Variants in HDLBP observed in about 807,000 individuals in gnomAD.
HDLBP encodes the protein high density lipoprotein binding protein.
Under a neutral mutation model 137.3 loss-of-function variants are expected in HDLBP, and 30 were observed. That is an observed-to-expected ratio of 0.22 (90% confidence interval 0.16 to 0.30). The LOEUF is 0.30. Ranked by LOEUF, HDLBP falls within the 10% of genes least tolerant of loss-of-function variation. The probability of loss-of-function intolerance (pLI) is 1.00; values close to 1 mark genes in which losing one functional copy is unlikely to be tolerated. For synonymous variants in HDLBP, 606 were observed against 596.0 expected, an observed-to-expected ratio of 1.02 and a Z score of -0.24; for missense variants, 1,119 against 1,667.3, an observed-to-expected ratio of 0.67 and a Z score of 5.73.
Position 241,283,097 on chromosome 2 carries a change from C to A in HDLBP, c.-102-14556G>T, listed in dbSNP as rs572452891. Among the ~76,000 whole-genome samples the A allele has an allele frequency of 4.0e-4, 61 of 152,336 alleles. 1 individual carries two copies. In the South Asian group the frequency reaches 0.013, roughly 32 times the overall value. ...ACACATAAATGGTAAGAGAGCGAAA[C>A]AGCCTTATCGCTGATAAGGAGAAAG... On this transcript the variant is annotated intron_variant, in intron 1 of 27. Transcript: ENST00000310931.
chr2:241,230,533 G>C lies in HDLBP; in HGVS notation c.3474+226C>G, dbSNP rs1301033929. 6.6e-6 allele frequency among the ~76,000 whole-genome samples: 1 copy of C among 152,214 alleles called. No homozygotes were observed. Among genetic ancestry groups the C allele is most frequent in the Non-Finnish European group, 1.5e-5 (1 of 68,042 alleles). ...CACCCACAGAGGACGAGCTCGCCAG[G>C]CAGCTGTCAAGGAGATGCCCTCCTA... On this transcript the variant is annotated intron_variant, in intron 25 of 27. Transcript: ENST00000310931. The surrounding 1 kb of genome is among the most constrained non-coding windows in gnomAD (Gnocchi z 5.0).
intron 1 of HDLBP, among the ~76,000 whole-genome samples, chr2:241,308,545 T>G (rs2075656052): frequency 6.6e-6 from 1 of 152,290 alleles, no homozygotes; most frequent in South Asian, 2.1e-4. Context: ...ATTAACCTAC[T>G]CTGCTTTAAG....
intron 1 of HDLBP, among the ~76,000 whole-genome samples, chr2:241,299,182 A>G (rs949113988): frequency 2.0e-5 from 3 of 152,198 alleles, no homozygotes; most frequent in African/African-American, 4.8e-5. Context: ...TCGTTTTTTA[A>G]AAAAATTAAT....
In HDLBP at chr2:241,239,376, CTTTT is replaced by C. The variant is rs928760320; in HGVS notation, c.2610+222_2610+225del. Among the ~76,000 whole-genome samples the C allele has an allele frequency of 3.4e-5, 5 of 147,746 alleles. No individual in the cohort carries two copies. Among genetic ancestry groups the C allele is most frequent in the Non-Finnish European group, 6.0e-5 (4 of 66,620 alleles). The stretch of plus-strand genomic sequence containing the variant: ...CCTCTCCTCTTCTCCTTCTCTCTCT[CTTTT>C]TTTTTTTAAGTGCTTCTCGCAGGCA... On this transcript the variant is annotated intron_variant, in intron 19 of 27. Coordinates refer to ENST00000310931, the MANE Select transcript of HDLBP (RefSeq NM_005336.6). The surrounding 1 kb of genome is among the most constrained non-coding windows in gnomAD (Gnocchi z 4.6).
chr2:241,232,391 TCA>T (rs968421900), intron 24 of HDLBP, among the ~76,000 whole-genome samples: 1 of 152,024 alleles, frequency 6.6e-6, no homozygotes, highest in Non-Finnish European at 1.5e-5. Flanking sequence ...TTCTCACGTC[TCA>T]GTCTCCCGAG....
At chr2:241,275,904 TA>T (rs1353675010) in intron 1 of HDLBP, among the ~76,000 whole-genome samples, 1 of 151,946 alleles carries the variant, frequency 6.6e-6, no homozygotes, top group Non-Finnish European at 1.5e-5. Flanking sequence ...ACAGACCTAC[TA>T]AAGGACATAT....
chr2:241,243,256 G>A (rs950043902), intron 16 of HDLBP, among the ~76,000 whole-genome samples: 1 of 152,188 alleles, frequency 6.6e-6, no homozygotes, highest in African/African-American at 2.4e-5. Flanking sequence ...AGAGCCCAAA[G>A]AGACTGGCAT....
In HDLBP at chr2:241,229,925, A is replaced by G. The variant is rs1283598250; in HGVS notation, c.3628T>C (p.Tyr1210His). The G allele has an allele frequency of 1.2e-6, 2 of 1,604,288 alleles. No individual in the cohort carries two copies. The highest frequency in any genetic ancestry group is 2.7e-5 in the African/African-American group (2 of 74,722). Residue 1210 changes from tyrosine (Y) to histidine (H), a missense_variant, in exon 27 of 28, where the codon TAC becomes CAC. Tyr to His is a moderately conservative substitution (Grantham distance 83, BLOSUM62 2). Transcript: ENST00000310931. Reference sequence around the variant, plus strand: ...TCTTCGTGTGCTGGGGGTTTCATGTATACCTGCAGCGCCTCACTGTCCACC... The same window carrying G: ...TCTTCGTGTGCTGGGGGTTTCATGTGTACCTGCAGCGCCTCACTGTCCACC... ...DVVDSEALQV[Y>H]MKPPAHEEAK... is the part of the protein sequence containing the mutation.
intron 3 of HDLBP, among the ~76,000 whole-genome samples, chr2:241,265,866 CAGG>C: frequency 6.6e-6 from 1 of 152,328 alleles, no homozygotes; most frequent in East Asian, 1.9e-4. Flanking sequence ...AAGCTGGCTC[CAGG>C]AGGAGGATCC....
At chr2:241,264,394 T>G (rs1028821697) in intron 4 of HDLBP, 54 bp downstream of exon 4, 2 of 1,340,188 alleles carry the variant, frequency 1.5e-6, no homozygotes, top group Non-Finnish European at 1.0e-6. Context: ...ATTTAAAAAT[T>G]TACATAGACA....
Position 241,239,870 on chromosome 2 carries a change from G to A in HDLBP, c.2391+31C>T. ...GATAAGCCACCCCATCACGGCCCCAGCAGAGTCGGCCGCCGAGGCCCGCTC... is the reference window on the plus strand; with the variant it reads ...GATAAGCCACCCCATCACGGCCCCAACAGAGTCGGCCGCCGAGGCCCGCTC... On this transcript the variant is annotated intron_variant, in intron 18 of 27. Coordinates refer to ENST00000310931, the MANE Select transcript of HDLBP (RefSeq NM_005336.6). This position sits in a 1 kb window ranked among gnomAD's most constrained non-coding sequence, Gnocchi z 4.6. 1 of 1,612,200 alleles carries A rather than the reference G, an allele frequency of 6.2e-7. No individual in the cohort carries two copies. Among genetic ancestry groups the A allele is most frequent in the Non-Finnish European group, 8.5e-7 (1 of 1,178,410 alleles).
intron 1 of HDLBP, among the ~76,000 whole-genome samples, chr2:241,313,860 T>C (rs2075850947): frequency 6.6e-6 from 1 of 152,188 alleles, no homozygotes; most frequent in Non-Finnish European, 1.5e-5. Flanking sequence ...ATAGGTCAAC[T>C]ATATCTTTGA....
At chr2:241,283,341 G>T (rs1283586045) in intron 1 of HDLBP, among the ~76,000 whole-genome samples, 1 of 152,230 alleles carries the variant, frequency 6.6e-6, no homozygotes, top group Admixed American at 6.5e-5. Context: ...TGATGTAGAA[G>T]CTGCAGTGAG....
intron 1 of HDLBP, among the ~76,000 whole-genome samples, chr2:241,269,885 C>T (rs918338554): frequency 7.9e-5 from 12 of 152,088 alleles, no homozygotes; most frequent in African/African-American, 2.2e-4. Flanking sequence ...ATCCACCCTC[C>T]GCCCTCCCAC....
At chr2:241,251,992 A>T (rs750750423) in intron 11 of HDLBP, among the ~76,000 whole-genome samples, 1 of 151,724 alleles carries the variant, frequency 6.6e-6, no homozygotes, top group Non-Finnish European at 1.5e-5. Context: ...CAAACAAACA[A>T]CACAAAACAT....
chr2:241,279,419 T>G (rs1410438419), intron 1 of HDLBP, among the ~76,000 whole-genome samples: 1 of 152,114 alleles, frequency 6.6e-6, no homozygotes, highest in African/African-American at 2.4e-5. Context: ...ATACAAAAGA[T>G]CAAGGACCAA....
At position 241,246,794 on chromosome 2, in the gene HDLBP, G is replaced by A. The variant is rs187198864; in HGVS notation, c.1908C>T (p.Cys636=). The A allele has an allele frequency of 5.1e-5, 83 of 1,614,156 alleles. No homozygotes were observed. Among genetic ancestry groups the A allele is most frequent in the Admixed American group, 1.0e-4 (6 of 60,024 alleles). Residue 636 remains cysteine, a synonymous_variant, in exon 16 of 28, where the codon TGC becomes TGT. Transcript: ENST00000310931. ...TIIITGKRAN[C]EAARSRILSI... is the part of the protein sequence containing the mutation. Reference sequence around the variant, plus strand: ...ACAGAATCCTGCTCCGGGCAGCTTCGCAGTTGGCTCGCTTGCCTGTGATGA... The same window carrying A: ...ACAGAATCCTGCTCCGGGCAGCTTCACAGTTGGCTCGCTTGCCTGTGATGA...
intron 9 of HDLBP, among the ~76,000 whole-genome samples, chr2:241,254,272 A>G (rs954180736): frequency 3.3e-5 from 5 of 152,176 alleles, no homozygotes; most frequent in African/African-American, 1.2e-4. Flanking sequence ...ACTAAAAAAA[A>G]GGAATAAAAT....
chr2:241,264,412 T>C (rs1382059170), intron 4 of HDLBP, 36 bp downstream of exon 4: 2 of 1,440,750 alleles, frequency 1.4e-6, no homozygotes, highest in Non-Finnish European at 1.9e-6. Flanking sequence ...ACATGTTACA[T>C]GATAAAATTT....
Sources: gnomAD v4.1 joint callset for allele counts (sites outside exome capture counted in the v4.1 genomes callset) on GRCh38, gnomAD v4.1.1 for gene constraint, Gnocchi (gnomAD v3.1) non-coding constraint, MANE v1.5 for transcripts, NCBI Gene and HGNC (gene_info 2026-07-23, HGNC 2026-07-21) for gene names.